SAMD5: variants seen among roughly 807,000 people sequenced by gnomAD.
The protein encoded by SAMD5 is sterile alpha motif domain containing 5, also known as sterile alpha motif domain-containing protein 5.
In SAMD5, 13 loss-of-function variants were observed where a neutral mutation model predicts 11.3. That is an observed-to-expected ratio of 1.15 (90% confidence interval 0.75 to 1.83). The LOEUF is 1.83. SAMD5 is among the 40% of genes most tolerant of loss of function. SAMD5 has a pLI of 0.00. For missense variants in SAMD5, 255 were observed against 239.1 expected, an observed-to-expected ratio of 1.07 and a Z score of -0.44; for synonymous variants, 129 against 111.3, an observed-to-expected ratio of 1.16 and a Z score of -1.00.
the SAMD5 span, among the ~76,000 whole-genome samples, chr6:147,932,972 A>G: frequency 6.6e-6 from 1 of 152,192 alleles, no homozygotes; most frequent in Non-Finnish European, 1.5e-5. Context: ...CAATTTTTTC[A>G]TCTCCGATGA....
intron 1 of SAMD5, among the ~76,000 whole-genome samples, chr6:147,700,835 G>A (rs947958272): frequency 6.6e-5 from 10 of 152,182 alleles, no homozygotes; most frequent in Non-Finnish European, 1.0e-4. Flanking sequence ...ATTAAATTAC[G>A]TTCTTGGCTA....
chr6:147,839,708 C>G, the SAMD5 span, among the ~76,000 whole-genome samples: 1 of 152,148 alleles, frequency 6.6e-6, no homozygotes, highest in Non-Finnish European at 1.5e-5. Context: ...TGAGGTGGCA[C>G]CACTGCACTC....
At chr6:147,732,738 A>G (rs2128460129) in intron 1 of SAMD5, among the ~76,000 whole-genome samples, 1 of 152,354 alleles carries the variant, frequency 6.6e-6, no homozygotes, top group Non-Finnish European at 1.5e-5. Flanking sequence ...TGGCTCTGAC[A>G]TAAACACCCC....
At chr6:147,680,102 A>T (rs1790920314) in intron 1 of SAMD5, among the ~76,000 whole-genome samples, 3 of 152,034 alleles carry the variant, frequency 2.0e-5, no homozygotes, top group African/African-American at 7.2e-5. Context: ...TTTCATGTAA[A>T]TTTGACTTAA....
chr6:147,707,298 A>G (rs965844395), intron 1 of SAMD5, among the ~76,000 whole-genome samples: 1 of 152,212 alleles, frequency 6.6e-6, no homozygotes, highest in African/African-American at 2.4e-5. Flanking sequence ...CTGATTTTTT[A>G]TGACTTAAGT....
At chr6:147,802,873 T>A in the SAMD5 span, among the ~76,000 whole-genome samples, 1 of 152,206 alleles carries the variant, frequency 6.6e-6, no homozygotes, top group Non-Finnish European at 1.5e-5. Context: ...ACATGGGTGA[T>A]TGCCTTTTGT....
the SAMD5 span, among the ~76,000 whole-genome samples, chr6:147,843,648 G>A: frequency 0.028 from 4,285 of 152,098 alleles, 102 homozygotes; most frequent in Middle Eastern, 0.044. Context: ...AAACAGACAC[G>A]TCAACCAATG....
At position 147,642,782 on chromosome 6, in the gene SAMD5, A is replaced by T. The variant is rs555745488; in HGVS notation, c.163-94535A>T. 2.6e-5 allele frequency among the ~76,000 whole-genome samples: 4 copies of T among 152,314 alleles called. No individual in the cohort carries two copies. The East Asian group carries it at 5.8e-4, about 22-fold the overall frequency. ...CTAAGGCTTCAAAACCACAAAACTC[A>T]TTCTGTAAACATTCTGTCTAAGGCT... On this transcript the variant is annotated intron_variant, in intron 1 of 1. Coordinates refer to the SAMD5 transcript ENST00000566741.
the SAMD5 span, among the ~76,000 whole-genome samples, chr6:147,824,815 T>C: frequency 6.6e-6 from 1 of 152,248 alleles, no homozygotes; most frequent in East Asian, 1.9e-4. Flanking sequence ...GCTTCATTCA[T>C]TCATTCATTC....
chr6:147,850,517 G>C, the SAMD5 span, among the ~76,000 whole-genome samples: 1 of 152,058 alleles, frequency 6.6e-6, no homozygotes, highest in Admixed American at 6.5e-5. Flanking sequence ...TCAGCAAGTA[G>C]GCACTTTTCG....
At chr6:147,723,646 T>A (rs1160873154) in intron 1 of SAMD5, among the ~76,000 whole-genome samples, 1 of 152,194 alleles carries the variant, frequency 6.6e-6, no homozygotes, top group African/African-American at 2.4e-5. Context: ...TGATTTTTTT[T>A]AATTGTGATG....
the SAMD5 span, among the ~76,000 whole-genome samples, chr6:147,886,075 A>G: frequency 0.45 from 68,949 of 152,012 alleles, 15,911 homozygotes; most frequent in South Asian, 0.61. Context: ...AAAGTCTGAA[A>G]TAAAATACAA....
At chr6:147,772,775 C>A in the SAMD5 span, among the ~76,000 whole-genome samples, 4 of 152,152 alleles carry the variant, frequency 2.6e-5, no homozygotes, top group South Asian at 8.3e-4. Context: ...AACTTAATCA[C>A]CTCATTAAAG....
chr6:147,514,819 C>T (rs950527181), intron 1 of SAMD5, among the ~76,000 whole-genome samples: 13 of 152,088 alleles, frequency 8.5e-5, no homozygotes, highest in African/African-American at 2.9e-4. Flanking sequence ...TCATACCCTT[C>T]GTGTGACTTT....
At chr6:147,797,854 G>A in the SAMD5 span, among the ~76,000 whole-genome samples, 34 of 151,000 alleles carry the variant, frequency 2.3e-4, no homozygotes, top group East Asian at 3.5e-3. Context: ...GTTTATTTGC[G>A]TAGAGGTTTT....
In SAMD5 at chr6:147,568,337, AG is replaced by A; in HGVS notation, c.*3886del. 1 of 985,318 alleles carries A rather than the reference AG, an allele frequency of 1.0e-6. No individual in the cohort carries two copies. The highest frequency in any genetic ancestry group is 4.7e-5 in the South Asian group (1 of 21,284). 61.0% of individuals were successfully genotyped at this position (985,318 alleles called of 1,614,324 possible). A position where few individuals can be genotyped will look rare whatever the true frequency, so the allele number is the denominator to read the frequency against. Reference sequence around the variant, plus strand: ...GAGTATTGTAACAGGTCTCTTGCACAGGGGGTTGAAAAATAAAAAAAGAAGT... The same window carrying A: ...GAGTATTGTAACAGGTCTCTTGCACAGGGGTTGAAAAATAAAAAAAGAAGT... On this transcript the variant is annotated 3_prime_UTR_variant, in exon 2 of 2. Transcript: ENST00000367474.
chr6:147,593,333 A>G (rs1051393232), intron 1 of SAMD5, among the ~76,000 whole-genome samples: 2 of 152,198 alleles, frequency 1.3e-5, no homozygotes, highest in East Asian at 1.9e-4. Context: ...AAGTAAATGT[A>G]TGATAAATGT....
chr6:147,683,381 A>G (rs1317795447), intron 1 of SAMD5, among the ~76,000 whole-genome samples: 1 of 152,220 alleles, frequency 6.6e-6, no homozygotes, highest in South Asian at 2.1e-4. Flanking sequence ...TGAGGACTCT[A>G]AAGAGATCTC....
the SAMD5 span, among the ~76,000 whole-genome samples, chr6:147,754,466 T>G: frequency 6.6e-6 from 1 of 152,036 alleles, no homozygotes; most frequent in Non-Finnish European, 1.5e-5. Flanking sequence ...TATTAATCCT[T>G]TGTCAGATGG....
Sources: allele counts gnomAD v4.1 joint callset (sites outside exome capture counted in the v4.1 genomes callset), GRCh38; gene constraint gnomAD v4.1.1; transcripts MANE v1.5; gene names NCBI Gene and HGNC (gene_info 2026-07-23, HGNC 2026-07-21).